DTD2: variants seen among roughly 807,000 people sequenced by gnomAD.
DTD2 encodes the protein D-tyrosyl-tRNA deacylase 2 (putative).
A neutral mutation model predicts 15.5 loss-of-function variants in DTD2; 12 were observed. That is an observed-to-expected ratio of 0.77 (90% confidence interval 0.50 to 1.25). The LOEUF is 1.25. DTD2 is among the 50% of genes most tolerant of loss of function. The pLI is 0.00. For missense variants in DTD2, 170 were observed against 201.1 expected, an observed-to-expected ratio of 0.85 and a Z score of 0.93; for synonymous variants, 59 against 77.3, an observed-to-expected ratio of 0.76 and a Z score of 1.24.
intron 2 of DTD2, among the ~76,000 whole-genome samples, chr14:31,451,423 C>T: frequency 6.6e-6 from 1 of 151,556 alleles, no homozygotes; most frequent in East Asian, 1.9e-4. Context: ...GCTGGGATTA[C>T]AGGCGTGAGC....
chr14:31,453,670 C>T (rs770502311), intron 1 of DTD2, among the ~76,000 whole-genome samples: 2 of 152,166 alleles, frequency 1.3e-5, no homozygotes, highest in African/African-American at 2.4e-5. Flanking sequence ...AGAAACATTT[C>T]GTTTGCTGGG....
chr14:31,450,394 G>A (rs1222250354), intron 2 of DTD2, among the ~76,000 whole-genome samples: 1 of 152,166 alleles, frequency 6.6e-6, no homozygotes, highest in South Asian at 2.1e-4. Context: ...GCTTTGACAG[G>A]TTTCTTGCCC....
At position 31,453,304 on chromosome 14, in the gene DTD2, C is replaced by T; in HGVS notation, c.152G>A (p.Gly51Glu). 1 of 1,613,960 alleles carries T rather than the reference C, an allele frequency of 6.2e-7. No homozygotes were observed. The highest frequency in any genetic ancestry group is 1.1e-5 in the South Asian group (1 of 91,076). Residue 51 changes from glycine (G) to glutamate (E), a missense_variant, in exon 2 of 3, where the codon GGA becomes GAA. Transcript: ENST00000310850. ...GLVIYVCFFK[G>E]ADKELLPKMV... ...TTTGGGAAGAAGTTCTTTATCAGCTCCCTTGAAAAAGCACACGTAGATCAC... is the reference window on the plus strand; with the variant it reads ...TTTGGGAAGAAGTTCTTTATCAGCTTCCTTGAAAAAGCACACGTAGATCAC...
intron 1 of DTD2, among the ~76,000 whole-genome samples, chr14:31,455,277 C>T (rs2032082004): frequency 6.6e-6 from 1 of 151,996 alleles, no homozygotes; most frequent in Non-Finnish European, 1.5e-5. Context: ...TTCGGCCGGG[C>T]ACGGTGGCTC....
intron 2 of DTD2, among the ~76,000 whole-genome samples, chr14:31,451,368 TTGATCTCCTGACCTCG>T (rs919290526): frequency 2.0e-5 from 3 of 152,084 alleles, no homozygotes; most frequent in African/African-American, 7.2e-5. Context: ...CAGGATGGTC[TTGATCTCCTGACCTCG>T]TGATCTGCCC....
At chr14:31,455,331 CACAAGGTCAGG>C (rs2032082493) in intron 1 of DTD2, among the ~76,000 whole-genome samples, 2 of 151,852 alleles carry the variant, frequency 1.3e-5, no homozygotes, top group South Asian at 4.2e-4. Flanking sequence ...GTGGGCGGAC[CACAAGGTCAGG>C]AGATCGAGAC....
At chr14:31,449,353 T>C (rs2032003019) in intron 2 of DTD2, among the ~76,000 whole-genome samples, 1 of 152,196 alleles carries the variant, frequency 6.6e-6, no homozygotes, top group African/African-American at 2.4e-5. Context: ...AATATGAACA[T>C]GGACTAATCA....
rs1207148934 is a variant in DTD2, at chr14:31,447,836, C to G, written c.*293G>C. 7 of 246,746 alleles carry G rather than the reference C, an allele frequency of 2.8e-5. No homozygotes were observed. In the Admixed American group the frequency reaches 3.8e-4, roughly 13 times the overall value. 15.3% of individuals were successfully genotyped at this position (246,746 alleles called of 1,614,324 possible). ...CTCCATCTCAAAAAAAAAACAAAAACAAAAAAACAATTAAGAACATTTCCT... is the reference window on the plus strand; with the variant it reads ...CTCCATCTCAAAAAAAAAACAAAAAGAAAAAAACAATTAAGAACATTTCCT... On this transcript the variant is annotated 3_prime_UTR_variant, in exon 3 of 3. Transcript: ENST00000310850.
At chr14:31,449,127 T>A (rs1160355593) in intron 2 of DTD2, among the ~76,000 whole-genome samples, 2 of 152,196 alleles carry the variant, frequency 1.3e-5, no homozygotes, top group Non-Finnish European at 2.9e-5. Context: ...TCTCCTGACC[T>A]CGTGATCCAC....
Position 31,446,779 on chromosome 14 carries a change from G to A in DTD2, c.*1350C>T, listed in dbSNP as rs2031964497. The A allele has an allele frequency of 6.6e-6, 1 of 152,154 alleles. No individual in the cohort carries two copies. The highest frequency in any genetic ancestry group is 1.5e-5 in the Non-Finnish European group (1 of 68,036). 9.4% of individuals were successfully genotyped at this position (152,154 alleles called of 1,614,324 possible). Reference sequence around the variant, plus strand: ...ATTGACACTGGCTCCATATCATCAAGCAGATAATATGGAAATGAACAAGTC... The same window carrying A: ...ATTGACACTGGCTCCATATCATCAAACAGATAATATGGAAATGAACAAGTC... On this transcript the variant is annotated 3_prime_UTR_variant, in exon 3 of 3. Transcript: ENST00000310850.
chr14:31,451,035 G>C (rs1176241565), intron 2 of DTD2, among the ~76,000 whole-genome samples: 2 of 151,918 alleles, frequency 1.3e-5, no homozygotes, highest in Non-Finnish European at 2.9e-5. Flanking sequence ...GACCAAAAAA[G>C]ATTTAATCCA....
chr14:31,450,733 C>A (rs2032022439), intron 2 of DTD2, among the ~76,000 whole-genome samples: 1 of 152,148 alleles, frequency 6.6e-6, no homozygotes, highest in Non-Finnish European at 1.5e-5. Flanking sequence ...TATAAAAAAT[C>A]ATGTGTTAGA....
At chr14:31,456,605 G>C (rs553896865) in intron 1 of DTD2, among the ~76,000 whole-genome samples, 1 of 152,158 alleles carries the variant, frequency 6.6e-6, no homozygotes, top group South Asian at 2.1e-4. Flanking sequence ...AAATACGTCA[G>C]AGGCCTTAAA....
Position 31,457,417 on chromosome 14 carries a change from G to A in DTD2, c.-24C>T, listed in dbSNP as rs1409883885. ...ATGGCTTAAGCCAGCGCCGCGGCCGGACAGTTACTAGGCCATGTGTCGCTG... is the reference window on the plus strand; with the variant it reads ...ATGGCTTAAGCCAGCGCCGCGGCCGAACAGTTACTAGGCCATGTGTCGCTG... On this transcript the variant is annotated 5_prime_UTR_variant, in exon 1 of 3. Coordinates refer to ENST00000310850, the MANE Select transcript of DTD2 (RefSeq NM_080664.3). The A allele has an allele frequency of 8.9e-6, 13 of 1,456,596 alleles. No individual in the cohort carries two copies. Among genetic ancestry groups the A allele is most frequent in the Non-Finnish European group, 1.2e-5 (13 of 1,095,748 alleles). The allele number at this position is 1,456,596 out of a possible 1,614,324, so 90.2% of individuals were successfully genotyped here.
At chr14:31,451,549 T>A (rs546404368) in intron 2 of DTD2, among the ~76,000 whole-genome samples, 1 of 152,280 alleles carries the variant, frequency 6.6e-6, no homozygotes, top group East Asian at 1.9e-4. Flanking sequence ...AATTTCAAAC[T>A]ATTGCAGTTA....
In DTD2 at chr14:31,457,471, G is replaced by GACGAGGCGGGGCAC. The variant is rs1406050639; in HGVS notation, c.-92_-79dup. 6 of 1,133,510 alleles carry GACGAGGCGGGGCAC rather than the reference G, an allele frequency of 5.3e-6. No individual in the cohort carries two copies. Among genetic ancestry groups the GACGAGGCGGGGCAC allele is most frequent in the Non-Finnish European group, 7.2e-6 (6 of 833,110 alleles). The allele number at this position is 1,133,510 out of a possible 1,614,324, so 70.2% of individuals were successfully genotyped here. ...CCTCCCTCGACGCGCTGGCGGGGCA[G>GACGAGGCGGGGCAC]ACGAGGCGGGGCACGACGAAGGGCC... On this transcript the variant is annotated 5_prime_UTR_variant, in exon 1 of 3. Transcript: ENST00000310850.
intron 1 of DTD2, 103 bp downstream of exon 1, chr14:31,457,180 G>C (rs774814853): frequency 1.2e-4 from 136 of 1,124,276 alleles, no homozygotes; most frequent in Non-Finnish European, 1.4e-4. Flanking sequence ...CGGCCGGACC[G>C]CCGGTCTCAG....
rs765671297 is a variant in DTD2 at position 31,457,357 on chromosome 14, G to C, written c.37C>G (p.Leu13Val). The change falls in exon 1 of 3, where the codon CTC (leucine) becomes GTC (valine). Residue 13 changes from leucine to valine, a missense_variant. Coordinates refer to ENST00000310850, the MANE Select transcript of DTD2 (RefSeq NM_080664.3). Reference protein sequence around the residue: ...EGSRIPQARALLQQCLHARLQ... With the variant: ...EGSRIPQARAVLQQCLHARLQ... The stretch of plus-strand genomic sequence containing the variant: ...CGGGCGTGCAGGCACTGCTGTAGGA[G>C]CGCCCGGGCCTGAGGAATCCGGCTA... 29 of 1,587,868 alleles carry C rather than the reference G, an allele frequency of 1.8e-5. No homozygotes were observed. The highest frequency in any genetic ancestry group is 2.3e-5 in the Non-Finnish European group (27 of 1,168,820).
intron 2 of DTD2, among the ~76,000 whole-genome samples, chr14:31,451,477 T>A (rs961059796): frequency 2.0e-5 from 3 of 151,994 alleles, no homozygotes; most frequent in Admixed American, 1.3e-4. Context: ...TTTTCTTTCT[T>A]CTTCAGACCA....
Sources: allele counts gnomAD v4.1 joint callset (sites outside exome capture counted in the v4.1 genomes callset), GRCh38; gene constraint gnomAD v4.1.1; transcripts MANE v1.5; gene names NCBI Gene and HGNC (gene_info 2026-07-23, HGNC 2026-07-21).